PSG4: variants seen among roughly 807,000 people sequenced by gnomAD.
PSG4 encodes pregnancy specific beta-1-glycoprotein 4, also known as pregnancy-specific beta-1-glycoprotein 4.
In PSG4, 61 loss-of-function variants were observed where a neutral mutation model predicts 44.3. The ratio of observed to expected loss-of-function variants is 1.38; its 90% CI spans 1.12 to 1.70. PSG4 has a LOEUF of 1.70. Among genes scored for constraint, PSG4 ranks in the 40% most tolerant of loss-of-function variants. The probability of loss-of-function intolerance (pLI) is 0.00; values close to 1 mark genes in which losing one functional copy is unlikely to be tolerated. For synonymous variants in PSG4, 248 were observed against 191.3 expected, an observed-to-expected ratio of 1.30 and a Z score of -2.45; for missense variants, 677 against 511.7, an observed-to-expected ratio of 1.32 and a Z score of -3.12.
Position 43,200,888 on chromosome 19 carries a change from T to C in PSG4, c.431-2613A>G, listed in dbSNP as rs1302195119. On this transcript the variant is annotated intron_variant, in intron 2 of 5. Transcript: ENST00000405312. Reference sequence around the variant, plus strand: ...CACAGCCTTCTCTGAGGGATTTTAATGAGTTGTTGACTTTTTACTTAGTGT... The same window carrying C: ...CACAGCCTTCTCTGAGGGATTTTAACGAGTTGTTGACTTTTTACTTAGTGT... Among the ~76,000 whole-genome samples the C allele has an allele frequency of 2.7e-5, 4 of 146,344 alleles. 1 individual carries two copies. Among genetic ancestry groups the C allele is most frequent in the Non-Finnish European group, 5.9e-5 (4 of 67,292 alleles).
At chr19:43,197,764 C>T in intron 3 of PSG4, 1 of 919,566 alleles carries the variant, frequency 1.1e-6, no homozygotes, top group Non-Finnish European at 1.5e-6. Context: ...CCTGTTTCTC[C>T]CATCACAAGC....
chr19:43,202,281 C>A (rs1296975270), intron 2 of PSG4, among the ~76,000 whole-genome samples: 2 of 143,766 alleles, frequency 1.4e-5, no homozygotes, highest in Admixed American at 1.4e-4. Context: ...TTCAGAGACC[C>A]CAGGGACCAG....
intron 2 of PSG4, among the ~76,000 whole-genome samples, chr19:43,202,145 G>T (rs1177594043): frequency 1.4e-5 from 2 of 146,154 alleles, no homozygotes; most frequent in Admixed American, 6.8e-5. Flanking sequence ...AAGGCCTAGG[G>T]GTGGGGGAAG....
Position 43,203,907 on chromosome 19 carries a change from G to A in PSG4, c.409C>T (p.His137Tyr), listed in dbSNP as rs368447014. ...RRDGTGGVTG[H>Y]FTFTLHLETP... ...TCACGGTGTAAGGTGAAGGTGAAAT[G>A]TCCAGTTACTCCTCCAGTCCCATCG... is the stretch of plus-strand genomic sequence containing the variant. Residue 137 changes from histidine to tyrosine, a missense_variant, in exon 2 of 6, where the codon CAT (histidine) becomes TAT (tyrosine). Physicochemically the swap from His to Tyr is moderately conservative, Grantham distance 83 (BLOSUM62 2). Coordinates refer to ENST00000405312, the MANE Select transcript of PSG4 (RefSeq NM_002780.5). The A allele has an allele frequency of 4.4e-6, 7 of 1,582,372 alleles. No homozygotes were observed. The highest frequency in any genetic ancestry group is 1.4e-5 in the African/African-American group (1 of 69,346).
At position 43,205,626 on chromosome 19, in the gene PSG4, C is replaced by T. The variant is rs1220107602; in HGVS notation, c.-90G>A. 6 of 1,349,298 alleles carry T rather than the reference C, an allele frequency of 4.4e-6. 1 individual carries two copies. The highest frequency in any genetic ancestry group is 7.9e-5 in the East Asian group (2 of 25,320). 83.6% of individuals were successfully genotyped at this position (1,349,298 alleles called of 1,614,324 possible). Reference sequence around the variant, plus strand: ...ACGGCTGTCAGCTGTGCTGTCCTTCCTCCTTCTGTGCTGAGCCTCCTCCCG... The same window carrying T: ...ACGGCTGTCAGCTGTGCTGTCCTTCTTCCTTCTGTGCTGAGCCTCCTCCCG... On this transcript the variant is annotated 5_prime_UTR_variant, in exon 1 of 6. Coordinates refer to ENST00000405312, the MANE Select transcript of PSG4 (RefSeq NM_002780.5).
rs1445161327 is a variant in PSG4 at position 43,197,794 on chromosome 19, A to G, written c.709+203T>C. 1.4e-5 allele frequency: 16 copies of G among 1,109,472 alleles called. 1 individual carries two copies. Among genetic ancestry groups the G allele is most frequent in the African/African-American group, 5.4e-5 (3 of 55,476 alleles). The allele number at this position is 1,109,472 out of a possible 1,614,324, so 68.7% of individuals were successfully genotyped here. On this transcript the variant is annotated intron_variant, in intron 3 of 5. Coordinates refer to ENST00000405312, the MANE Select transcript of PSG4 (RefSeq NM_002780.5). ...ACAAGCTGTGGAACCTGAGTCTCCCATGACAGGAGCAGCCTCTTTTCTCCT... is the reference window on the plus strand; with the variant it reads ...ACAAGCTGTGGAACCTGAGTCTCCCGTGACAGGAGCAGCCTCTTTTCTCCT...
chr19:43,201,392 G>A lies in PSG4; in HGVS notation c.430+2494C>T, dbSNP rs142433139. 3.0e-3 allele frequency among the ~76,000 whole-genome samples: 435 copies of A among 145,720 alleles called. 71 individuals carry two copies. The highest frequency in any genetic ancestry group is 0.011 in the African/African-American group (415 of 38,080). ...GGCACAGTTTATGTAATCCCTGACT[G>A]CTCCAGTGTCATTTGGCAAGAGTTT... On this transcript the variant is annotated intron_variant, in intron 2 of 5. Coordinates refer to ENST00000405312, the MANE Select transcript of PSG4 (RefSeq NM_002780.5).
At chr19:43,202,883 T>C (rs1967581426) in intron 2 of PSG4, among the ~76,000 whole-genome samples, 1 of 144,692 alleles carries the variant, frequency 6.9e-6, no homozygotes, top group Non-Finnish European at 1.5e-5. Flanking sequence ...CCCTCACTTC[T>C]GGTGGAGGAG....
chr19:43,195,371 ACCC>A (rs1967197660), intron 3 of PSG4, 98 bp from the exon 4 acceptor site: 2 of 1,522,772 alleles, frequency 1.3e-6, no homozygotes, highest in African/African-American at 2.8e-5. Flanking sequence ...CTCTCAGCCC[ACCC>A]GAGTCCTTGA....
rs548159644 is a variant in PSG4 at position 43,202,565 on chromosome 19, C to G, written c.430+1321G>C. ...TGAGAGCTCCTGAGTGTGTGTCTCT[C>G]GCTGGGCCTGTGCTGGTGCAGGGTG... On this transcript the variant is annotated intron_variant, in intron 2 of 5. Transcript: ENST00000405312. Among the ~76,000 whole-genome samples the G allele has an allele frequency of 1.4e-4, 20 of 144,666 alleles. 3 individuals carry two copies. Among genetic ancestry groups the G allele is most frequent in the South Asian group, 6.6e-4 (3 of 4,572 alleles). 94.9% of individuals were successfully genotyped at this position (144,666 alleles called of 152,430 possible).
chr19:43,202,230 G>A (rs1967547332), intron 2 of PSG4, among the ~76,000 whole-genome samples: 1 of 145,146 alleles, frequency 6.9e-6, no homozygotes, highest in Non-Finnish European at 1.5e-5. Context: ...GAAGAGAGAG[G>A]CAGAGACACC....
chr19:43,194,489 G>A lies in PSG4; in HGVS notation c.1094C>T (p.Ser365Phe), dbSNP rs1322078861. ...FAESNPRAQY[S>F]WTINGKFQLS... is the part of the protein sequence containing the mutation. ...CTGAAACTTCCCATTAATTGTCCAA[G>A]AATATTGTGCCCGTGGGTTAGACTC... The change falls in exon 5 of 6, where the codon TCT becomes TTT. Residue 365 changes from serine (S) to phenylalanine (F), a missense_variant. By Grantham distance (155) the Ser-to-Phe change is radical (BLOSUM62 -2). Coordinates refer to ENST00000405312, the MANE Select transcript of PSG4 (RefSeq NM_002780.5). 2.5e-6 allele frequency: 4 copies of A among 1,612,408 alleles called. No homozygotes were observed. Among genetic ancestry groups the A allele is most frequent in the Non-Finnish European group, 3.4e-6 (4 of 1,179,166 alleles).
rs372642223 is a variant in PSG4, at chr19:43,203,911, A to C, written c.405T>G (p.Thr135=). 3.2e-6 allele frequency: 5 copies of C among 1,583,192 alleles called. No homozygotes were observed. The highest frequency in any genetic ancestry group is 4.3e-6 in the Non-Finnish European group (5 of 1,169,728). ...GGTGTAAGGTGAAGGTGAAATGTCC[A>C]GTTACTCCTCCAGTCCCATCGCGTC... ...IKRRDGTGGV[T]GHFTFTLHLE... The change falls in exon 2 of 6, where the codon ACT becomes ACG. Residue 135 remains threonine (T), a synonymous_variant. Coordinates refer to ENST00000405312, the MANE Select transcript of PSG4 (RefSeq NM_002780.5).
intron 3 of PSG4, among the ~76,000 whole-genome samples, chr19:43,196,241 G>A (rs1048049432): frequency 7.9e-5 from 12 of 151,624 alleles, no homozygotes; most frequent in African/African-American, 2.7e-4. Flanking sequence ...GATTCCCTGG[G>A]TTCGACTACT....
At position 43,201,937 on chromosome 19, in the gene PSG4, G is replaced by T. The variant is rs1241801135; in HGVS notation, c.430+1949C>A. 2.8e-5 allele frequency among the ~76,000 whole-genome samples: 4 copies of T among 144,412 alleles called. 1 individual carries two copies. The highest frequency in any genetic ancestry group is 4.8e-4 in the East Asian group (2 of 4,202). 94.7% of individuals were successfully genotyped at this position (144,412 alleles called of 152,430 possible). ...TTGTCCACAGGTCAGCCTCACAAAG[G>T]GAAAGAGCCCTTGAAGGGAATACAG... On this transcript the variant is annotated intron_variant, in intron 2 of 5. Coordinates refer to ENST00000405312, the MANE Select transcript of PSG4 (RefSeq NM_002780.5).
intron 1 of PSG4, chr19:43,204,767 A>G (rs1185013503): frequency 2.7e-6 from 1 of 375,070 alleles, no homozygotes; most frequent in Non-Finnish European, 5.1e-6. Flanking sequence ...CAGTACCTGG[A>G]ACAGGCGGCA....
Position 43,199,541 on chromosome 19 carries a change from T to C in PSG4, c.431-1266A>G, listed in dbSNP as rs1294913422. 6.9e-5 allele frequency among the ~76,000 whole-genome samples: 10 copies of C among 145,724 alleles called. 1 individual carries two copies. The highest frequency in any genetic ancestry group is 1.2e-4 in the Non-Finnish European group (8 of 67,236). ...CATCCCAAATCTGAAAAATTTAAAA[T>C]CCACAATGCGCCAGTGAGCACTTCT... On this transcript the variant is annotated intron_variant, in intron 2 of 5. Coordinates refer to ENST00000405312, the MANE Select transcript of PSG4 (RefSeq NM_002780.5).
Position 43,203,763 on chromosome 19 carries a change from A to G in PSG4, c.430+123T>C, listed in dbSNP as rs562661711. On this transcript the variant is annotated intron_variant, in intron 2 of 5. Transcript: ENST00000405312. ...TGTGTGTCCTGCACTAAATGCCCAA[A>G]CCCCAGCATGGGACTTAATGCAGAG... is the stretch of plus-strand genomic sequence containing the variant. The G allele has an allele frequency of 2.7e-6, 4 of 1,473,146 alleles. 1 individual carries two copies. The highest frequency in any genetic ancestry group is 3.6e-6 in the Non-Finnish European group (4 of 1,098,802). 91.3% of individuals were successfully genotyped at this position (1,473,146 alleles called of 1,614,324 possible).
At chr19:43,202,614 C>A (rs1967565824) in intron 2 of PSG4, among the ~76,000 whole-genome samples, 1 of 144,478 alleles carries the variant, frequency 6.9e-6, no homozygotes, top group South Asian at 2.2e-4. Flanking sequence ...AAAACAAGGT[C>A]CTCTCCTTGA....
Sources: allele counts gnomAD v4.1 joint callset (sites outside exome capture counted in the v4.1 genomes callset), GRCh38; gene constraint gnomAD v4.1.1; transcripts MANE v1.5; gene names NCBI Gene and HGNC (gene_info 2026-07-23, HGNC 2026-07-21).